CSMD1: variants seen among roughly 807,000 people sequenced by gnomAD.
CSMD1 encodes the protein CUB and Sushi multiple domains 1.
In CSMD1, 213 loss-of-function variants were observed where a neutral mutation model predicts 417.5. The ratio of observed to expected loss-of-function variants is 0.51; its 90% CI spans 0.46 to 0.57. CSMD1 has a LOEUF of 0.57. Ranked by LOEUF, CSMD1 falls within the 20% of genes least tolerant of loss-of-function variation. The pLI, the probability that CSMD1 is intolerant of heterozygous loss-of-function variation, is 0.00. For missense variants in CSMD1, 6,923 were observed against 4,529.7 expected (o/e 1.53, Z -15.17); for synonymous variants, 2,862 against 1,736.8 (o/e 1.65, Z -16.11).
intron 5 of CSMD1, among the ~76,000 whole-genome samples, chr8:3,867,131 T>A (rs1340325579): frequency 6.6e-6 from 1 of 152,204 alleles, no homozygotes; most frequent in Non-Finnish European, 1.5e-5. Flanking sequence ...ACTATACTGT[T>A]TTTCCACTGA....
chr8:4,685,159 A>T (rs1362469698), intron 1 of CSMD1, among the ~76,000 whole-genome samples: 1 of 152,254 alleles, frequency 6.6e-6, no homozygotes, highest in East Asian at 1.9e-4. Context: ...TGTTGTAAAC[A>T]AACATAATGG....
At chr8:4,830,304 CT>C (rs1394688666) in intron 1 of CSMD1, among the ~76,000 whole-genome samples, 1 of 152,190 alleles carries the variant, frequency 6.6e-6, no homozygotes, top group Non-Finnish European at 1.5e-5. Flanking sequence ...TATTTCCTTT[CT>C]TTTTCCTACA....
At chr8:4,370,181 T>G (rs764374973) in intron 3 of CSMD1, among the ~76,000 whole-genome samples, 3 of 152,170 alleles carry the variant, frequency 2.0e-5, no homozygotes, top group Non-Finnish European at 2.9e-5. Flanking sequence ...GAAAAGAATT[T>G]CATTTCTCCT....
chr8:4,128,030 T>C (rs765903673), intron 3 of CSMD1, among the ~76,000 whole-genome samples: 2 of 152,160 alleles, frequency 1.3e-5, no homozygotes, highest in Non-Finnish European at 2.9e-5. Context: ...CATTTTATAT[T>C]CTTCAGGTGA....
At chr8:4,202,790 G>C (rs548250577) in intron 3 of CSMD1, among the ~76,000 whole-genome samples, 5 of 152,238 alleles carry the variant, frequency 3.3e-5, no homozygotes, top group South Asian at 4.1e-4. Context: ...ATAAAACTGA[G>C]GATTCAAACG....
chr8:4,821,994 A>C (rs1799551541), intron 1 of CSMD1, among the ~76,000 whole-genome samples: 1 of 152,038 alleles, frequency 6.6e-6, no homozygotes, highest in Non-Finnish European at 1.5e-5. Context: ...GTTCCTCTGT[A>C]ATGCAATGAC....
chr8:3,916,775 G>C (rs943838908), intron 5 of CSMD1, among the ~76,000 whole-genome samples: 61 of 152,062 alleles, frequency 4.0e-4, no homozygotes, highest in African/African-American at 1.4e-3. Context: ...AAAAATAATT[G>C]AGTGGCTCAA....
intron 1 of CSMD1, among the ~76,000 whole-genome samples, chr8:4,816,020 A>C (rs1169610198): frequency 6.6e-6 from 1 of 152,148 alleles, no homozygotes; most frequent in African/African-American, 2.4e-5. Context: ...GCTATTAAGG[A>C]AAGCAGGTGC....
At chr8:3,380,423 T>G (rs1484025998) in intron 18 of CSMD1, among the ~76,000 whole-genome samples, 2 of 152,160 alleles carry the variant, frequency 1.3e-5, no homozygotes, top group African/African-American at 4.8e-5. Context: ...CATTCTACTA[T>G]GAAGACATAT....
In CSMD1 at chr8:3,518,741, G is replaced by C. The variant is rs116271004; in HGVS notation, c.1345-25015C>G. The stretch of plus-strand genomic sequence containing the variant: ...GTTTTCAAAGTCCTTGAGGAATGTG[G>C]AGAAGAACAGTTCATTACATGCTCT... On this transcript the variant is annotated intron_variant, in intron 10 of 69. Coordinates refer to ENST00000635120, the MANE Select transcript of CSMD1 (RefSeq NM_033225.6). 2.7e-3 allele frequency among the ~76,000 whole-genome samples: 413 copies of C among 152,246 alleles called. 1 individual carries two copies. The highest frequency in any genetic ancestry group is 9.6e-3 in the African/African-American group (399 of 41,558).
At chr8:3,973,340 C>T (rs140691012) in intron 5 of CSMD1, among the ~76,000 whole-genome samples, 14 of 152,240 alleles carry the variant, frequency 9.2e-5, no homozygotes, top group Middle Eastern at 3.4e-3. Flanking sequence ...CTGCTTGGTG[C>T]TAGATAGAAG....
rs2720883 is a variant in CSMD1, at chr8:3,807,395, A to G, written c.819-53353T>C. On this transcript the variant is annotated intron_variant, in intron 5 of 69. Transcript: ENST00000635120. ...TTCCCAAGCCCTTTATAGAAATTCA[A>G]TACTGTATTCAGCAGAGGATGTTTT... 4.9e-4 allele frequency among the ~76,000 whole-genome samples: 74 copies of G among 151,788 alleles called. No homozygotes were observed. In the East Asian group the frequency reaches 0.012, roughly 26 times the overall value.
intron 5 of CSMD1, among the ~76,000 whole-genome samples, chr8:3,919,809 T>A (rs796446912): frequency 8.5e-5 from 13 of 152,252 alleles, no homozygotes; most frequent in African/African-American, 2.9e-4. Flanking sequence ...ATTTTCTTCA[T>A]AAATATTGTA....
chr8:3,796,940 T>C (rs1166402644), intron 5 of CSMD1, among the ~76,000 whole-genome samples: 1 of 151,776 alleles, frequency 6.6e-6, no homozygotes, highest in African/African-American at 2.4e-5. Context: ...TTGGTTAATA[T>C]GTAATGAAGA....
At chr8:4,158,921 A>G (rs186161609) in intron 3 of CSMD1, among the ~76,000 whole-genome samples, 1 of 152,190 alleles carries the variant, frequency 6.6e-6, no homozygotes, top group East Asian at 1.9e-4. Flanking sequence ...TTCTATAATT[A>G]TTATTTGTTT....
intron 7 of CSMD1, among the ~76,000 whole-genome samples, chr8:3,669,612 G>A (rs948199672): frequency 3.9e-5 from 6 of 152,222 alleles, no homozygotes; most frequent in African/African-American, 1.4e-4. Context: ...CGACAGGGAA[G>A]ACAAGCTGGG....
rs4507787 is a variant in CSMD1 at position 4,923,820 on chromosome 8, A to T, written c.85+70512T>A. 4.6e-5 allele frequency among the ~76,000 whole-genome samples: 7 copies of T among 152,020 alleles called. No individual in the cohort carries two copies. In the East Asian group the frequency reaches 1.4e-3, roughly 29 times the overall value. On this transcript the variant is annotated intron_variant, in intron 1 of 69. Transcript: ENST00000635120. ...TAGAAATATAATAATTCCAATAATG[A>T]GTTTTCAATAATAAATGAGATAATG...
chr8:3,960,183 T>C (rs534650283), intron 5 of CSMD1, among the ~76,000 whole-genome samples: 3 of 152,336 alleles, frequency 2.0e-5, no homozygotes, highest in East Asian at 1.9e-4. Context: ...TTGCCTTTAC[T>C]TGTGAATTTT....
intron 5 of CSMD1, among the ~76,000 whole-genome samples, chr8:3,900,481 GGTTGACAGT>G (rs941948758): frequency 6.6e-6 from 1 of 151,536 alleles, no homozygotes; most frequent in Non-Finnish European, 1.5e-5. Context: ...CACTGTACCT[GGTTGACAGT>G]GTAGCTGGGT....
Sources: allele counts gnomAD v4.1 joint callset (sites outside exome capture counted in the v4.1 genomes callset), GRCh38; gene constraint gnomAD v4.1.1; transcripts MANE v1.5; gene names NCBI Gene and HGNC (gene_info 2026-07-23, HGNC 2026-07-21).